The following MAD2L2 variants were observed in gnomAD, a reference collection of about 807,000 sequenced individuals.
The protein encoded by MAD2L2 is mitotic spindle assembly checkpoint protein MAD2B.
MAD2L2 carries 17 observed loss-of-function variants against 30.5 expected under a neutral mutation model. The observed-to-expected ratio is 0.56, with a 90% CI of 0.38 to 0.84. MAD2L2 has a LOEUF of 0.84. Among genes scored for constraint, MAD2L2 ranks in the 40% least tolerant of loss-of-function variants. MAD2L2 has a pLI of 0.00. For synonymous variants in MAD2L2, 101 were observed against 113.9 expected (o/e 0.89, Z 0.72); for missense variants, 213 against 277.4 (o/e 0.77, Z 1.65).
chr1:11,691,332 G>C (rs1402587493), intron 1 of MAD2L2: 1 of 152,144 alleles, frequency 6.6e-6, no homozygotes. Flanking sequence ...CCCTGCGCGG[G>C]GCCGCTCCAG....
intron 1 of MAD2L2, chr1:11,680,834 C>G: frequency 3.2e-6 from 4 of 1,249,864 alleles, no homozygotes; most frequent in Non-Finnish European, 4.1e-6. Context: ...CCCCTCGCCC[C>G]GCTGTCTCGC....
At position 11,688,179 on chromosome 1, in the gene MAD2L2, G is replaced by A. The variant is rs1640995652; in HGVS notation, c.-692+3234C>T. The stretch of plus-strand genomic sequence containing the variant: ...ACACTGCCCCCTCTCCCAGGCCCAG[G>A]TGACCATCATCTCTTCTCTGCCACA... On this transcript the variant is annotated intron_variant, in intron 1 of 10. Coordinates refer to the MAD2L2 transcript ENST00000235310. The surrounding 1 kb of genome is among the most constrained non-coding windows in gnomAD (Gnocchi z 4.6). 6.6e-6 allele frequency among the ~76,000 whole-genome samples: 1 copy of A among 152,146 alleles called. No homozygotes were observed. The highest frequency in any genetic ancestry group is 1.5e-5 in the Non-Finnish European group (1 of 68,030).
intron 7 of MAD2L2, 146 bp from the exon 8 acceptor site, chr1:11,675,320 G>A (rs2272982): frequency 2.7e-5 from 16 of 601,254 alleles, no homozygotes; most frequent in East Asian, 5.7e-5. Flanking sequence ...CCCCAGGACC[G>A]CCCCCATCCC....
intron 1 of MAD2L2, 149 bp downstream of exon 1, chr1:11,680,890 G>T (rs760439003): frequency 2.9e-5 from 21 of 730,306 alleles, no homozygotes; most frequent in Non-Finnish European, 3.8e-5. Flanking sequence ...GCAGGGCCGC[G>T]GACGCAGAGG....
At chr1:11,676,803 A>G (rs1309019422) in intron 5 of MAD2L2, 45 bp downstream of exon 5, 1 of 1,498,116 alleles carries the variant, frequency 6.7e-7, no homozygotes, top group Non-Finnish European at 9.3e-7. Flanking sequence ...GTTGCCAGAG[A>G]CACACCTGAT....
rs1049043212 is a variant in MAD2L2, at chr1:11,687,238, AT to A, written c.-692+4174del. 1.1e-4 allele frequency among the ~76,000 whole-genome samples: 16 copies of A among 151,442 alleles called. No homozygotes were observed. The highest frequency in any genetic ancestry group is 3.9e-4 in the African/African-American group (16 of 41,238). On this transcript the variant is annotated intron_variant, in intron 1 of 10. Coordinates refer to the MAD2L2 transcript ENST00000235310. This position sits in a 1 kb window ranked among gnomAD's most constrained non-coding sequence, Gnocchi z 4.1. ...GCACCATCACACCCAGCTAATTTTT[AT>A]TTCATTTATTTCTTTTTTGAGACGG...
At chr1:11,680,876 A>C in intron 1 of MAD2L2, 163 bp downstream of exon 1, 25 of 893,714 alleles carry the variant, frequency 2.8e-5, no homozygotes, top group South Asian at 4.3e-5. Flanking sequence ...TGCCCCCGAA[A>C]AGGGCAGGGC....
upstream of MAD2L2, among the ~76,000 whole-genome samples, chr1:11,683,102 C>A (rs974941802): frequency 1.3e-5 from 2 of 152,140 alleles, no homozygotes; most frequent in Non-Finnish European, 2.9e-5. Context: ...TGCAAAGGAG[C>A]CCTTCAGACT....
rs567121627 is a variant in MAD2L2 at position 11,687,126 on chromosome 1, C to T, written c.-692+4287G>A. 5.3e-5 allele frequency among the ~76,000 whole-genome samples: 8 copies of T among 152,194 alleles called. No individual in the cohort carries two copies. The highest frequency in any genetic ancestry group is 2.1e-4 in the South Asian group (1 of 4,820). On this transcript the variant is annotated intron_variant, in intron 1 of 10. Transcript: ENST00000235310. This position sits in a 1 kb window ranked among gnomAD's most constrained non-coding sequence, Gnocchi z 4.1. ...TGTCATCTAGGCTGGAGTGCAGTGA[C>T]GCAATCACAGCTCACTGAAGCCTCA...
Position 11,676,051 on chromosome 1 carries a change from G to A in MAD2L2, c.422C>T (p.Pro141Leu). 1.9e-6 allele frequency: 3 copies of A among 1,613,052 alleles called. No individual in the cohort carries two copies. The highest frequency in any genetic ancestry group is 2.5e-6 in the Non-Finnish European group (3 of 1,179,362). ...SVCDAVLDHN[P>L]PGCTFTVLVH... ...AGGGTGGGGAGTGGACACACCTGGG[G>A]GGTTGTGGTCCAGGACGGCATCGCA... The change falls in exon 6 of 9, where the codon CCC (proline) becomes CTC (leucine). Residue 141 changes from proline (P) to leucine (L), a missense_variant. Pro to Leu is a moderately conservative substitution (Grantham distance 98). Coordinates refer to ENST00000376692, the MANE Select transcript of MAD2L2 (RefSeq NM_006341.4).
chr1:11,675,251 C>G, intron 7 of MAD2L2, 77 bp from the exon 8 acceptor site: 2 of 982,858 alleles, frequency 2.0e-6, no homozygotes. Flanking sequence ...CCTCCCACTC[C>G]AGACCAGGGG....
Position 11,677,600 on chromosome 1 carries a change from C to T in MAD2L2, c.174G>A (p.Pro58=), listed in dbSNP as rs140482494. 7.0e-4 allele frequency: 1,125 copies of T among 1,613,274 alleles called. No homozygotes were observed. The highest frequency in any genetic ancestry group is 8.7e-4 in the Non-Finnish European group (1,022 of 1,179,938). Residue 58 remains proline (P), a synonymous_variant, in exon 4 of 9, where the codon CCG becomes CCA. Coordinates refer to ENST00000376692, the MANE Select transcript of MAD2L2 (RefSeq NM_006341.4). ...YNVPVQMSCH[P]ELNQYIQDTL... is the part of the protein sequence containing the mutation. ...TGTCCTGGATATACTGATTCAGCTC[C>T]GGGTGGCAGGACATCTGCACACAAT... is the stretch of plus-strand genomic sequence containing the variant.
At chr1:11,676,563 G>A (rs943978650) in intron 5 of MAD2L2, among the ~76,000 whole-genome samples, 2 of 152,206 alleles carry the variant, frequency 1.3e-5, no homozygotes, top group Non-Finnish European at 2.9e-5. Context: ...ACTAACGCAT[G>A]TGCCAGAGGT....
Position 11,676,125 on chromosome 1 carries a change from C to A in MAD2L2, c.348G>T (p.Leu116Phe). ...PLLSISSDSL[L>F]SHVEQLLRAF... ...CCCGGAGCAGCTGCTCCACATGAGA[C>A]AACAGCGAGTCTGAGCTGGGAGTGA... Residue 116 changes from leucine (L) to phenylalanine (F), a missense_variant, in exon 6 of 9, where the codon TTG (leucine) becomes TTT (phenylalanine). Transcript: ENST00000376692. 1 of 1,604,162 alleles carries A rather than the reference C, an allele frequency of 6.2e-7. No individual in the cohort carries two copies.
Position 11,675,082 on chromosome 1 carries a change from C to T in MAD2L2, c.594G>A (p.Lys198=), listed in dbSNP as rs1640734745. The stretch of plus-strand genomic sequence containing the variant: ...CTTCCCGGGTCCCCACGAAGCTCAC[C>T]TTTAAAATGTCCGACGTCATGGTTT... ...PLKTMTSDIL[K]MQLYVEERAH... The change falls in exon 8 of 9, where the codon AAG becomes AAA. Residue 198 remains lysine (K), a splice_region_variant and synonymous_variant. Transcript: ENST00000376692. 15 of 1,588,674 alleles carry T rather than the reference C, an allele frequency of 9.4e-6. No homozygotes were observed. The highest frequency in any genetic ancestry group is 1.7e-4 in the Middle Eastern group (1 of 5,948).
rs1227862878 is a variant in MAD2L2 at position 11,690,418 on chromosome 1, TAG to T, written c.-692+993_-692+994del. On this transcript the variant is annotated intron_variant, in intron 1 of 10. Coordinates refer to the MAD2L2 transcript ENST00000235310. The surrounding 1 kb of genome is among the most constrained non-coding windows in gnomAD (Gnocchi z 4.2). ...GGAGCATTTCCTATGGGCCAGACCTTAGAAACGTTATCTCCTTACACAGGGCA... is the reference window on the plus strand; with the variant it reads ...GGAGCATTTCCTATGGGCCAGACCTTAAACGTTATCTCCTTACACAGGGCA... 6.6e-6 allele frequency among the ~76,000 whole-genome samples: 1 copy of T among 152,162 alleles called. No homozygotes were observed. Among genetic ancestry groups the T allele is most frequent in the Non-Finnish European group, 1.5e-5 (1 of 68,030 alleles).
At chr1:11,689,730 T>G (rs1362809451) in intron 1 of MAD2L2, among the ~76,000 whole-genome samples, 1 of 152,226 alleles carries the variant, frequency 6.6e-6, no homozygotes, top group Non-Finnish European at 1.5e-5. Flanking sequence ...GTAGTCATTC[T>G]TTTTATTCCT....
chr1:11,677,745 G>A, intron 3 of MAD2L2, 131 bp from the exon 4 acceptor site: 3 of 686,708 alleles, frequency 4.4e-6, no homozygotes, highest in South Asian at 3.4e-5. Flanking sequence ...CCCTACCCAG[G>A]AGACCCCACT....
At chr1:11,679,973 G>T (rs1024855625) in intron 3 of MAD2L2, among the ~76,000 whole-genome samples, 3 of 146,804 alleles carry the variant, frequency 2.0e-5, no homozygotes, top group Non-Finnish European at 4.5e-5. Flanking sequence ...GGCTTGGCCC[G>T]AAGTGGAAGA....
Sources: gnomAD v4.1 joint callset for allele counts (sites outside exome capture counted in the v4.1 genomes callset) on GRCh38, gnomAD v4.1.1 for gene constraint, Gnocchi (gnomAD v3.1) non-coding constraint, MANE v1.5 for transcripts, NCBI Gene and HGNC (gene_info 2026-07-23, HGNC 2026-07-21) for gene names.